SNX13: variants seen among roughly 807,000 people sequenced by gnomAD.
SNX13 encodes sorting nexin-13.
Under a neutral mutation model 133.6 loss-of-function variants are expected in SNX13, and 45 were observed. The ratio of observed to expected loss-of-function variants is 0.34; its 90% CI spans 0.27 to 0.43. The LOEUF (loss-of-function observed/expected upper bound fraction) is 0.43, where lower values mean the gene tolerates loss of function less well. SNX13 is among the 20% of genes least tolerant of loss of function. The pLI is 1.00. For missense variants in SNX13, 1,032 were observed against 1,145.1 expected, an observed-to-expected ratio of 0.90 and a Z score of 1.43; for synonymous variants, 414 against 373.9, an observed-to-expected ratio of 1.11 and a Z score of -1.24.
intron 5 of SNX13, chr7:17,880,125 A>C (rs1448128081): frequency 2.0e-5 from 3 of 152,200 alleles, no homozygotes; most frequent in African/African-American, 7.2e-5. Flanking sequence ...GAGTGGTATT[A>C]ACATGACCTG....
chr7:17,839,446 CAT>C (rs1789599863), intron 13 of SNX13, among the ~76,000 whole-genome samples: 2 of 151,778 alleles, frequency 1.3e-5, no homozygotes, highest in East Asian at 3.9e-4. Context: ...ATTAAATGTA[CAT>C]ATGTTTAATA....
intron 1 of SNX13, chr7:17,898,971 T>C (rs1797522285): frequency 6.6e-6 from 1 of 152,180 alleles, no homozygotes; most frequent in African/African-American, 2.4e-5. Context: ...TGCTCTCTTC[T>C]CTCTGAATCA....
chr7:17,825,968 G>A, intron 17 of SNX13, 54 bp downstream of exon 17: 1 of 1,225,288 alleles, frequency 8.2e-7, no homozygotes, highest in Non-Finnish European at 1.1e-6. Flanking sequence ...AAATTATTTA[G>A]GGATATAATA....
chr7:17,803,278 T>G, intron 21 of SNX13, 141 bp downstream of exon 21: 1 of 710,938 alleles, frequency 1.4e-6, no homozygotes, highest in Non-Finnish European at 2.0e-6. Flanking sequence ...TTTAGTTCTT[T>G]ATTCTTTATG....
At chr7:17,796,639 A>C (rs146363279) in intron 25 of SNX13, 188 bp downstream of exon 25, 1 of 542,578 alleles carries the variant, frequency 1.8e-6, no homozygotes, top group Non-Finnish European at 3.3e-6. Context: ...AACAGTCCTT[A>C]GCTTTACAGT....
chr7:17,920,043 C>G (rs1799959961), intron 1 of SNX13, among the ~76,000 whole-genome samples: 1 of 152,058 alleles, frequency 6.6e-6, no homozygotes, highest in Non-Finnish European at 1.5e-5. Flanking sequence ...TTGATGTGGC[C>G]TAAATCCCCA....
intron 1 of SNX13, among the ~76,000 whole-genome samples, chr7:17,936,180 C>A (rs1436764239): frequency 6.6e-6 from 1 of 152,142 alleles, no homozygotes; most frequent in African/African-American, 2.4e-5. Context: ...CTATCAAAAA[C>A]TAACTATGTT....
At chr7:17,841,600 G>T (rs1216405539) in intron 12 of SNX13, among the ~76,000 whole-genome samples, 1 of 97,446 alleles carries the variant, frequency 1.0e-5, no homozygotes, top group Admixed American at 9.4e-5. Context: ...ACACCCCAAG[G>T]CATACAAAGT....
chr7:17,870,562 T>G (rs1332845198), intron 8 of SNX13, among the ~76,000 whole-genome samples: 2 of 152,204 alleles, frequency 1.3e-5, no homozygotes, highest in African/African-American at 4.8e-5. Context: ...TAACTTCCTG[T>G]AACAAGGCAG....
At chr7:17,859,963 A>G (rs948727352) in intron 9 of SNX13, among the ~76,000 whole-genome samples, 5 of 152,188 alleles carry the variant, frequency 3.3e-5, no homozygotes, top group African/African-American at 1.2e-4. Flanking sequence ...AATCATGATT[A>G]CACAAATTTC....
intron 12 of SNX13, among the ~76,000 whole-genome samples, chr7:17,842,334 C>A (rs1403517072): frequency 6.6e-6 from 1 of 152,014 alleles, no homozygotes; most frequent in Admixed American, 6.6e-5. Context: ...AAGAAAAATA[C>A]TGTCAACCAA....
At chr7:17,861,342 TCACACACA>T (rs59119505) in intron 9 of SNX13, among the ~76,000 whole-genome samples, 1,496 of 143,060 alleles carry the variant, frequency 0.01, 7 homozygotes, top group African/African-American at 0.023. Flanking sequence ...TACAGTTATC[TCACACACA>T]CACACACACA....
At chr7:17,869,879 GAC>G (rs10569996) in intron 8 of SNX13, among the ~76,000 whole-genome samples, 67,851 of 149,264 alleles carry the variant, frequency 0.45, 15,726 homozygotes, top group African/African-American at 0.57. Context: ...CACACACACA[GAC>G]ACACACACAC....
intron 1 of SNX13, among the ~76,000 whole-genome samples, chr7:17,900,882 C>A (rs1583690330): frequency 1.3e-5 from 2 of 152,034 alleles, no homozygotes; most frequent in East Asian, 1.9e-4. Context: ...CAGAAGAAGT[C>A]CCCCCGCATA....
At chr7:17,851,115 T>C (rs1419018024) in intron 9 of SNX13, among the ~76,000 whole-genome samples, 151 bp from the exon 10 acceptor site, 1 of 152,228 alleles carries the variant, frequency 6.6e-6, no homozygotes, top group Non-Finnish European at 1.5e-5. Context: ...GGGCACCTAT[T>C]TTCCAATGGA....
At chr7:17,926,170 G>A (rs948278560) in intron 1 of SNX13, among the ~76,000 whole-genome samples, 3 of 152,126 alleles carry the variant, frequency 2.0e-5, no homozygotes, top group African/African-American at 4.8e-5. Flanking sequence ...AAAGTAGAGA[G>A]AAAGCAAATA....
At position 17,890,422 on chromosome 7, in the gene SNX13, T is replaced by C; in HGVS notation, c.381A>G (p.Glu127=). The part of the protein sequence containing the change: ...QYWYYTLSDD[E]SFLLEIRQTL... ...TCTGCCTAATTTCAAGAAGAAAAGA[T>C]TCATCATCGCTTAGTGTATAATACC... Residue 127 remains glutamate (E), a synonymous_variant, in exon 5 of 26, where the codon GAA becomes GAG. Coordinates refer to ENST00000428135, the MANE Select transcript of SNX13 (RefSeq NM_015132.5). The C allele has an allele frequency of 6.2e-7, 1 of 1,611,110 alleles. No individual in the cohort carries two copies. Among genetic ancestry groups the C allele is most frequent in the Non-Finnish European group, 8.5e-7 (1 of 1,177,974 alleles).
intron 1 of SNX13, among the ~76,000 whole-genome samples, chr7:17,908,517 C>A (rs2714862): frequency 0.3 from 45,826 of 151,986 alleles, 7,480 homozygotes; most frequent in East Asian, 0.54. Flanking sequence ...CAAACCTTCC[C>A]TCATAAACAC....
chr7:17,870,356 T>TA (rs2128348176), intron 8 of SNX13, among the ~76,000 whole-genome samples: 1 of 152,168 alleles, frequency 6.6e-6, no homozygotes, highest in South Asian at 2.1e-4. Context: ...TAAACAAAAA[T>TA]ATCCTGTGAG....
Sources: gnomAD v4.1 joint callset for allele counts (sites outside exome capture counted in the v4.1 genomes callset) on GRCh38, gnomAD v4.1.1 for gene constraint, MANE v1.5 for transcripts, NCBI Gene and HGNC (gene_info 2026-07-23, HGNC 2026-07-21) for gene names.